Variants in SEMA5A observed in about 807,000 individuals in gnomAD.
SEMA5A encodes semaphorin-5A.
Under a neutral mutation model 135.5 loss-of-function variants are expected in SEMA5A, and 55 were observed. That is an observed-to-expected ratio of 0.41 (90% CI 0.33 to 0.51). The LOEUF (loss-of-function observed/expected upper bound fraction) is 0.51. Ranked by LOEUF, SEMA5A falls within the 20% of genes least tolerant of loss-of-function variation. The pLI is 0.37. For missense variants in SEMA5A, 1,290 were observed against 1,419.9 expected (o/e 0.91, Z 1.47); for synonymous variants, 580 against 546.5 (o/e 1.06, Z -0.85).
intron 3 of SEMA5A, chr5:9,363,311 C>G (rs1246955343): frequency 6.6e-6 from 1 of 152,192 alleles, no homozygotes; most frequent in Admixed American, 6.5e-5. Flanking sequence ...GCACACTAAT[C>G]ATTTAATGTT....
chr5:9,048,030 C>T (rs1246358796), intron 21 of SEMA5A, among the ~76,000 whole-genome samples: 4 of 152,134 alleles, frequency 2.6e-5, no homozygotes, highest in African/African-American at 9.7e-5. Context: ...TCTGCTGAGG[C>T]ATCAGCTGTT....
At chr5:9,076,859 T>G (rs572055171) in intron 16 of SEMA5A, among the ~76,000 whole-genome samples, 1 of 150,310 alleles carries the variant, frequency 6.7e-6, no homozygotes, top group African/African-American at 2.5e-5. Context: ...TGACTATGCA[T>G]TACGATCTTT....
chr5:9,358,290 C>G (rs1344495935), intron 3 of SEMA5A, among the ~76,000 whole-genome samples: 2 of 152,202 alleles, frequency 1.3e-5, no homozygotes, highest in Admixed American at 1.3e-4. Context: ...ATTTTCAGTG[C>G]TGTCCCTTGT....
intron 1 of SEMA5A, among the ~76,000 whole-genome samples, chr5:9,462,024 C>A (rs908551874): frequency 6.6e-6 from 1 of 152,144 alleles, no homozygotes; most frequent in African/African-American, 2.4e-5. Flanking sequence ...GGCCTACATC[C>A]ATTGTTAGGA....
chr5:9,102,257 A>G lies in SEMA5A; in HGVS notation c.2073+5883T>C, dbSNP rs1025892873. The stretch of plus-strand genomic sequence containing the variant: ...GATGAAAGGAAGTGCCAGCTGTCCC[A>G]TTTGAATAAAAGTACACACCATTGC... On this transcript the variant is annotated intron_variant, in intron 16 of 22. Transcript: ENST00000382496. Among the ~76,000 whole-genome samples, 7 of 152,238 alleles carry G rather than the reference A, an allele frequency of 4.6e-5. 1 individual carries two copies. The South Asian group carries it at 1.4e-3, about 32-fold the overall frequency.
chr5:9,413,556 A>C (rs548992856), intron 2 of SEMA5A, among the ~76,000 whole-genome samples: 155 of 152,344 alleles, frequency 1.0e-3, no homozygotes, highest in African/African-American at 3.5e-3. Flanking sequence ...GCCTTAAAAT[A>C]GTATTAATTG....
intron 2 of SEMA5A, among the ~76,000 whole-genome samples, chr5:9,393,907 A>G (rs268492): frequency 1.3e-5 from 2 of 151,886 alleles, no homozygotes; most frequent in African/African-American, 4.8e-5. Context: ...GAATGCAAAT[A>G]TTCATGGTCT....
At chr5:9,296,756 T>G (rs1356801881) in intron 5 of SEMA5A, among the ~76,000 whole-genome samples, 1 of 152,016 alleles carries the variant, frequency 6.6e-6, no homozygotes, top group African/African-American at 2.4e-5. Context: ...AGGATTTCTT[T>G]ATGAAAAAAT....
At chr5:9,447,951 T>C (rs189688286) in intron 1 of SEMA5A, among the ~76,000 whole-genome samples, 2 of 152,336 alleles carry the variant, frequency 1.3e-5, no homozygotes, top group East Asian at 3.9e-4. Context: ...ATGATGCCTC[T>C]CTGCCCACTC....
chr5:9,221,196 G>C (rs3822778), intron 8 of SEMA5A, among the ~76,000 whole-genome samples: 52,543 of 151,996 alleles, frequency 0.35, 9,421 homozygotes, highest in Non-Finnish European at 0.41. Context: ...CCATGTGAAA[G>C]GGGAGCATTC....
intron 11 of SEMA5A, among the ~76,000 whole-genome samples, chr5:9,167,190 A>T (rs1481581910): frequency 6.6e-6 from 1 of 152,176 alleles, no homozygotes; most frequent in Admixed American, 6.5e-5. Flanking sequence ...CTAGTGCCTG[A>T]TGTTCCAAGC....
intron 5 of SEMA5A, among the ~76,000 whole-genome samples, chr5:9,286,229 C>T (rs1247826429): frequency 6.6e-6 from 1 of 151,956 alleles, no homozygotes; most frequent in Non-Finnish European, 1.5e-5. Flanking sequence ...ACCCGGGAGA[C>T]TTCTTATGAG....
chr5:9,540,771 G>A (rs1738040898), intron 1 of SEMA5A, among the ~76,000 whole-genome samples: 1 of 152,154 alleles, frequency 6.6e-6, no homozygotes, highest in Non-Finnish European at 1.5e-5. Flanking sequence ...AGGTTTGGGG[G>A]CACTGGCAGG....
chr5:9,128,017 C>G (rs1015758448), intron 13 of SEMA5A, among the ~76,000 whole-genome samples: 2 of 152,162 alleles, frequency 1.3e-5, no homozygotes, highest in African/African-American at 4.8e-5. Context: ...CTGGAGGGAA[C>G]CTGAGAATTT....
intron 1 of SEMA5A, among the ~76,000 whole-genome samples, chr5:9,496,296 C>T (rs572800659): frequency 2.0e-5 from 3 of 152,286 alleles, no homozygotes; most frequent in Non-Finnish European, 2.9e-5. Flanking sequence ...CTGTCCACCT[C>T]GGCCTCCCAA....
At chr5:9,168,216 G>A (rs997851742) in intron 11 of SEMA5A, among the ~76,000 whole-genome samples, 2 of 152,124 alleles carry the variant, frequency 1.3e-5, no homozygotes, top group Admixed American at 1.3e-4. Context: ...GCTACTCAGG[G>A]AGAAGCCTGA....
In SEMA5A at chr5:9,384,637, TAGATAGATAGATAG is replaced by T. The variant is rs1296886831; in HGVS notation, c.-77-4628_-77-4615del. On this transcript the variant is annotated intron_variant, in intron 2 of 22. Transcript: ENST00000382496. ...ATAGATACATAGATAGATAGATAGA[TAGATAGATAGATAG>T]ATAGATAGATATAGATAGATAGATA... Among the ~76,000 whole-genome samples, 1,052 of 119,282 alleles carry T rather than the reference TAGATAGATAGATAG, an allele frequency of 8.8e-3. 44 individuals are homozygous for T. Among genetic ancestry groups the T allele is most frequent in the Non-Finnish European group, 0.014 (772 of 55,538 alleles). 78.3% of individuals were successfully genotyped at this position (119,282 alleles called of 152,430 possible).
At chr5:9,421,179 G>A (rs191573594) in intron 2 of SEMA5A, among the ~76,000 whole-genome samples, 52 of 152,252 alleles carry the variant, frequency 3.4e-4, no homozygotes, top group African/African-American at 1.1e-3. Flanking sequence ...CTTCCTCCAT[G>A]TTTCTGCAAT....
At chr5:9,265,156 C>G (rs1286913132) in intron 5 of SEMA5A, among the ~76,000 whole-genome samples, 1 of 152,134 alleles carries the variant, frequency 6.6e-6, no homozygotes, top group African/African-American at 2.4e-5. Flanking sequence ...CCCCAAACCA[C>G]CGCGAGACAT....
Sources: allele counts gnomAD v4.1 joint callset (sites outside exome capture counted in the v4.1 genomes callset), GRCh38; gene constraint gnomAD v4.1.1; transcripts MANE v1.5; gene names NCBI Gene and HGNC (gene_info 2026-07-23, HGNC 2026-07-21).